The following TSBP1 variants were observed in gnomAD, a reference collection of about 807,000 sequenced individuals.
TSBP1 encodes the protein testis-expressed basic protein 1.
A neutral mutation model predicts 68.8 loss-of-function variants in TSBP1; 56 were observed. The observed-to-expected ratio is 0.81, with a 90% confidence interval of 0.66 to 1.02. The LOEUF (loss-of-function observed/expected upper bound fraction) is 1.02. Ranked by LOEUF, TSBP1 falls within the 50% of genes least tolerant of loss-of-function variation. The pLI, the probability that TSBP1 is intolerant of heterozygous loss-of-function variation, is 0.00. For missense variants in TSBP1, 502 were observed against 641.2 expected, an observed-to-expected ratio of 0.78 and a Z score of 2.34; for synonymous variants, 171 against 208.7, an observed-to-expected ratio of 0.82 and a Z score of 1.56.
chr6:32,308,475 G>A (rs1339080967), intron 19 of TSBP1, among the ~76,000 whole-genome samples: 1 of 148,966 alleles, frequency 6.7e-6, no homozygotes, highest in Non-Finnish European at 1.5e-5. Context: ...GCGGGCGCCT[G>A]TAGTCCCAGC....
chr6:32,355,701 A>G (rs751640227), intron 6 of TSBP1, 32 bp from the exon 7 acceptor site: 12 of 1,577,014 alleles, frequency 7.6e-6, no homozygotes, highest in South Asian at 6.8e-5. Flanking sequence ...AGAAAAATCA[A>G]TTTGGATATT....
chr6:32,336,014 G>C lies in TSBP1; in HGVS notation c.431-82C>G. On this transcript the variant is annotated intron_variant, in intron 12 of 22. Transcript: ENST00000612031. This position sits in a 1 kb window ranked among gnomAD's most constrained non-coding sequence, Gnocchi z 5.2. The stretch of plus-strand genomic sequence containing the variant: ...AGGAAATTTCCATTTCCCAACACTC[G>C]CTCTAGGGAGTATCATAAATAGAAA... 9.0e-7 allele frequency: 1 copy of C among 1,115,256 alleles called. No homozygotes were observed. The allele number at this position is 1,115,256 out of a possible 1,614,324, so 69.1% of individuals were successfully genotyped here. A position where few individuals can be genotyped will look rare whatever the true frequency, so the allele number is the denominator to read the frequency against.
At chr6:32,295,355 A>C (rs1893456) in intron 22 of TSBP1, among the ~76,000 whole-genome samples, 10,489 of 108,502 alleles carry the variant, frequency 0.097, 458 homozygotes, top group African/African-American at 0.15. Context: ...CACACAAAAA[A>C]AAAAAAAAAA....
rs767902273 is a variant in TSBP1, at chr6:32,357,073, A to G, written c.218-1404T>C. Among the ~76,000 whole-genome samples, 29 of 152,200 alleles carry G rather than the reference A, an allele frequency of 1.9e-4. No individual in the cohort carries two copies. Among genetic ancestry groups the G allele is most frequent in the Non-Finnish European group, 3.8e-4 (26 of 68,042 alleles). On this transcript the variant is annotated intron_variant, in intron 6 of 22. Transcript: ENST00000612031. This position sits in a 1 kb window ranked among gnomAD's most constrained non-coding sequence, Gnocchi z 4.7. ...CCAGTACATTTATATTCCTATGTCTAGAAATAATGGAGGGAAGACTAGCAG... is the reference window on the plus strand; with the variant it reads ...CCAGTACATTTATATTCCTATGTCTGGAAATAATGGAGGGAAGACTAGCAG...
At chr6:32,342,200 T>G (rs1770454609) in intron 9 of TSBP1, among the ~76,000 whole-genome samples, 1 of 151,380 alleles carries the variant, frequency 6.6e-6, no homozygotes, top group East Asian at 1.9e-4. Context: ...AGTCTCACTC[T>G]GTCACCCAGG....
rs1767636945 is a variant in TSBP1 at position 32,321,542 on chromosome 6, C to A, written c.559+1575G>T. On this transcript the variant is annotated intron_variant, in intron 18 of 22. Transcript: ENST00000612031. This position sits in a 1 kb window ranked among gnomAD's most constrained non-coding sequence, Gnocchi z 4.3. ...GCATATGGATTTTGCAGCCTCATCT[C>A]TGGGTCGGAACCATTGTCTCTGTAT... Among the ~76,000 whole-genome samples, 1 of 152,180 alleles carries A rather than the reference C, an allele frequency of 6.6e-6. No homozygotes were observed. The highest frequency in any genetic ancestry group is 1.5e-5 in the Non-Finnish European group (1 of 68,040).
At position 32,336,527 on chromosome 6, in the gene TSBP1, T is replaced by G; in HGVS notation, c.430+88A>C. 1 of 1,106,644 alleles carries G rather than the reference T, an allele frequency of 9.0e-7. No homozygotes were observed. Among genetic ancestry groups the G allele is most frequent in the Non-Finnish European group, 1.4e-6 (1 of 739,424 alleles). 68.6% of individuals were successfully genotyped at this position (1,106,644 alleles called of 1,614,324 possible). On this transcript the variant is annotated intron_variant, in intron 12 of 22. Coordinates refer to ENST00000612031, the Ensembl canonical transcript of TSBP1. This position sits in a 1 kb window ranked among gnomAD's most constrained non-coding sequence, Gnocchi z 5.2. The stretch of plus-strand genomic sequence containing the variant: ...AATCTAAAATAAAAGTTGAAATTAT[T>G]TTTAAAAATGCAGGGCAGATCAGGC...
In TSBP1 at chr6:32,361,341, C is replaced by A. The variant is rs544940940; in HGVS notation, c.217+4826G>T. Among the ~76,000 whole-genome samples, 6 of 152,008 alleles carry A rather than the reference C, an allele frequency of 3.9e-5. No homozygotes were observed. In the East Asian group the frequency reaches 1.2e-3, roughly 29 times the overall value. ...TGTGAATAGTGCCACAATAAACACA[C>A]GTGTGCATGTGTCTTTATAGTAGCA... is the stretch of plus-strand genomic sequence containing the variant. On this transcript the variant is annotated intron_variant, in intron 6 of 22. Transcript: ENST00000612031. This position sits in a 1 kb window ranked among gnomAD's most constrained non-coding sequence, Gnocchi z 4.3.
chr6:32,353,424 T>C (rs9501614), intron 8 of TSBP1, among the ~76,000 whole-genome samples: 4,019 of 152,048 alleles, frequency 0.026, 138 homozygotes, highest in East Asian at 0.078. Flanking sequence ...TTATATTACA[T>C]TATTGAAGGG....
intron 1 of TSBP1, among the ~76,000 whole-genome samples, chr6:32,370,841 G>A (rs1346998164): frequency 4.8e-5 from 2 of 41,278 alleles, no homozygotes; most frequent in African/African-American, 1.5e-4. Context: ...AGGATCGGGG[G>A]AGAAAAAAAA....
chr6:32,352,866 A>C (rs1277559232), intron 8 of TSBP1: 1 of 151,956 alleles, frequency 6.6e-6, no homozygotes, highest in Non-Finnish European at 1.5e-5. Flanking sequence ...TACTTATATT[A>C]GAAAATAAGA....
intron 16 of TSBP1, among the ~76,000 whole-genome samples, chr6:32,329,734 G>C (rs1768699853): frequency 6.6e-6 from 1 of 152,180 alleles, no homozygotes; most frequent in Admixed American, 6.5e-5. Flanking sequence ...TCAGCTAGAT[G>C]AAGGAATGTT....
rs1268571266 is a variant in TSBP1 at position 32,333,299 on chromosome 6, A to G, written c.473-1245T>C. 6.6e-6 allele frequency among the ~76,000 whole-genome samples: 1 copy of G among 152,042 alleles called. No homozygotes were observed. The highest frequency in any genetic ancestry group is 2.4e-5 in the African/African-American group (1 of 41,392). On this transcript the variant is annotated intron_variant, in intron 14 of 22. Coordinates refer to ENST00000612031, the Ensembl canonical transcript of TSBP1. The surrounding 1 kb of genome is among the most constrained non-coding windows in gnomAD (Gnocchi z 4.2). The stretch of plus-strand genomic sequence containing the variant: ...TGCTGGGATTACTGCACCCAGCCGA[A>G]AGCCTGTTATGTTATTTAGCAACAC...
Position 32,343,738 on chromosome 6 carries a change from C to T in TSBP1, c.350-4100G>A, listed in dbSNP as rs190098425. The stretch of plus-strand genomic sequence containing the variant: ...CCAGTTTGCTTGACTTTAAGTTCAG[C>T]ACGTTTTCCTTCATATTCTTTACAA... On this transcript the variant is annotated intron_variant, in intron 9 of 22. Coordinates refer to ENST00000612031, the Ensembl canonical transcript of TSBP1. The surrounding 1 kb of genome is among the most constrained non-coding windows in gnomAD (Gnocchi z 4.3). 6.6e-6 allele frequency among the ~76,000 whole-genome samples: 1 copy of T among 152,308 alleles called. No homozygotes were observed. The highest frequency in any genetic ancestry group is 1.5e-5 in the Non-Finnish European group (1 of 68,020).
rs1211111763 is a variant in TSBP1 at position 32,333,506 on chromosome 6, G to A, written c.473-1452C>T. 6.6e-6 allele frequency among the ~76,000 whole-genome samples: 1 copy of A among 152,164 alleles called. No homozygotes were observed. The highest frequency in any genetic ancestry group is 1.5e-5 in the Non-Finnish European group (1 of 68,044). Reference sequence around the variant, plus strand: ...GTTCTTATAGGAGATTTTAGTTCCTGGTGGATCTGTGGGGTTTCTAAGCTA... The same window carrying A: ...GTTCTTATAGGAGATTTTAGTTCCTAGTGGATCTGTGGGGTTTCTAAGCTA... On this transcript the variant is annotated intron_variant, in intron 14 of 22. Transcript: ENST00000612031. This position sits in a 1 kb window ranked among gnomAD's most constrained non-coding sequence, Gnocchi z 4.2.
chr6:32,324,362 G>GTC, intron 16 of TSBP1: 1 of 535,912 alleles, frequency 1.9e-6, no homozygotes, highest in Middle Eastern at 4.4e-4. Flanking sequence ...TTTTAAGGTA[G>GTC]TCTCTTGTTG....
At position 32,330,734 on chromosome 6, in the gene TSBP1, G is replaced by A. The variant is rs138775672; in HGVS notation, c.494-125C>T. On this transcript the variant is annotated intron_variant, in intron 15 of 22. Coordinates refer to ENST00000612031, the Ensembl canonical transcript of TSBP1. ...CGCCCAGGCTGGAGTGTGGTAGGGT[G>A]ATCTTGGCTCACTGCAACCTCCACC... is the stretch of plus-strand genomic sequence containing the variant. The A allele has an allele frequency of 7.8e-4, 919 of 1,174,442 alleles. 9 individuals carry two copies. The African/African-American group carries it at 0.012, about 16-fold the overall frequency. 72.8% of individuals were successfully genotyped at this position (1,174,442 alleles called of 1,614,324 possible). A position where few individuals can be genotyped will look rare whatever the true frequency, so the allele number is the denominator to read the frequency against.
Position 32,336,748 on chromosome 6 carries a change from T to G in TSBP1, c.410-113A>C. On this transcript the variant is annotated intron_variant, in intron 11 of 22. Transcript: ENST00000612031. The surrounding 1 kb of genome is among the most constrained non-coding windows in gnomAD (Gnocchi z 5.2). ...TTCAACCAGAGGAGAACAACTACTG[T>G]GGGACTGCAGATGATCTTAGCCTGG... 1.1e-6 allele frequency: 1 copy of G among 890,308 alleles called. No homozygotes were observed. The highest frequency in any genetic ancestry group is 1.8e-6 in the Non-Finnish European group (1 of 547,230). The allele number at this position is 890,308 out of a possible 1,614,324, so 55.2% of individuals were successfully genotyped here.
rs1039253980 is a variant in TSBP1 at position 32,306,429 on chromosome 6, G to A, written c.581-3800C>T. Among the ~76,000 whole-genome samples the A allele has an allele frequency of 2.6e-5, 4 of 151,978 alleles. No homozygotes were observed. Among genetic ancestry groups the A allele is most frequent in the African/African-American group, 9.7e-5 (4 of 41,348 alleles). ...CCAGCCAGCCTGAAAGACATTAGAAGGGTGGTACTTTAGAATGCTGGTTCT... is the reference window on the plus strand; with the variant it reads ...CCAGCCAGCCTGAAAGACATTAGAAAGGTGGTACTTTAGAATGCTGGTTCT... On this transcript the variant is annotated intron_variant, in intron 19 of 22. Transcript: ENST00000612031. The surrounding 1 kb of genome is among the most constrained non-coding windows in gnomAD (Gnocchi z 5.1).
Sources: allele counts gnomAD v4.1 joint callset (sites outside exome capture counted in the v4.1 genomes callset), GRCh38; gene constraint gnomAD v4.1.1; non-coding constraint Gnocchi (gnomAD v3.1); transcripts MANE v1.5; gene names NCBI Gene and HGNC (gene_info 2026-07-23, HGNC 2026-07-21).